The following MYO16 variants were observed in gnomAD, a reference collection of about 807,000 sequenced individuals.
MYO16 encodes the protein unconventional myosin-XVI.
MYO16 carries 94 observed loss-of-function variants against 205.3 expected under a neutral mutation model. The ratio of observed to expected loss-of-function variants is 0.46; its 90% CI spans 0.39 to 0.54. The LOEUF (loss-of-function observed/expected upper bound fraction) is 0.54, where lower values mean the gene tolerates loss of function less well. MYO16 is among the 20% of genes least tolerant of loss of function. The probability of loss-of-function intolerance (pLI) is 0.00; values close to 1 mark genes in which losing one functional copy is unlikely to be tolerated. For synonymous variants in MYO16, 988 were observed against 954.0 expected (o/e 1.04, Z -0.66); for missense variants, 2,315 against 2,387.5 (o/e 0.97, Z 0.63).
chr13:108,968,470 C>CA (rs879418451), intron 20 of MYO16, among the ~76,000 whole-genome samples: 21 of 151,878 alleles, frequency 1.4e-4, no homozygotes, highest in Admixed American at 1.2e-3. Flanking sequence ...TACAAAAATA[C>CA]AAAAAATTAG....
rs1293949326 is a variant in MYO16 at position 109,165,021 on chromosome 13, G to C, written c.5285G>C (p.Ser1762Thr). The C allele has an allele frequency of 2.3e-5, 36 of 1,596,512 alleles. No homozygotes were observed. The highest frequency in any genetic ancestry group is 3.0e-5 in the Non-Finnish European group (35 of 1,173,810). Residue 1762 changes from serine (S) to threonine (T), a missense_variant, in exon 33 of 35, where the codon AGT becomes ACT. Coordinates refer to ENST00000457511, the MANE Select transcript of MYO16 (RefSeq NM_001198950.3). ...ATTCAGTTATCTAATTCACTATCTA[G>C]TGCTATAACTGCTGAAAATGGAAAT... ...HGIQLSNSLS[S>T]AITAENGNSI... is the part of the protein sequence containing the mutation.
chr13:109,113,151 T>C (rs1394339176), intron 28 of MYO16, among the ~76,000 whole-genome samples: 4 of 152,234 alleles, frequency 2.6e-5, no homozygotes, highest in African/African-American at 9.6e-5. Context: ...GTAAGTAAGC[T>C]TGAATGTATT....
At chr13:109,015,345 GC>G (rs1885768310) in intron 22 of MYO16, among the ~76,000 whole-genome samples, 1 of 152,160 alleles carries the variant, frequency 6.6e-6, no homozygotes, top group Admixed American at 6.5e-5. Context: ...TCTTTGATGT[GC>G]TGCTGGATTA....
intron 16 of MYO16, among the ~76,000 whole-genome samples, chr13:108,910,938 T>C (rs1377353769): frequency 7.9e-5 from 12 of 152,046 alleles, no homozygotes; most frequent in African/African-American, 2.9e-4. Flanking sequence ...ACCTGATTTA[T>C]GGCTTATTGG....
chr13:109,034,604 T>C (rs528433392), intron 23 of MYO16, among the ~76,000 whole-genome samples: 7 of 152,220 alleles, frequency 4.6e-5, no homozygotes, highest in Non-Finnish European at 8.8e-5. Flanking sequence ...TACAGCTGTG[T>C]GAAAACAGAC....
At chr13:108,972,390 A>AT (rs1884084329) in intron 20 of MYO16, among the ~76,000 whole-genome samples, 1 of 75,744 alleles carries the variant, frequency 1.3e-5, no homozygotes, top group African/African-American at 6.1e-5. Context: ...ATATATATAT[A>AT]TATATATAGT....
chr13:108,552,497 A>G, the MYO16 span, among the ~76,000 whole-genome samples: 4 of 152,134 alleles, frequency 2.6e-5, no homozygotes, highest in African/African-American at 4.8e-5. Context: ...CACATCATCC[A>G]TACTGAACAT....
chr13:108,726,590 A>C (rs1884348658), intron 3 of MYO16, among the ~76,000 whole-genome samples: 1 of 151,508 alleles, frequency 6.6e-6, no homozygotes, highest in South Asian at 2.1e-4. Context: ...AAAAAGAAAA[A>C]TACTCATAAA....
intron 23 of MYO16, among the ~76,000 whole-genome samples, chr13:109,037,125 CT>C (rs1886744203): frequency 6.6e-6 from 1 of 152,198 alleles, no homozygotes; most frequent in African/African-American, 2.4e-5. Context: ...CTCCTTAGTG[CT>C]TTTTCTTTCC....
intron 4 of MYO16, among the ~76,000 whole-genome samples, chr13:108,732,532 T>C (rs572695483): frequency 1.3e-5 from 2 of 152,140 alleles, no homozygotes; most frequent in East Asian, 1.9e-4. Context: ...AGGGTCTGTG[T>C]ATTGGAGGGA....
the MYO16 span, among the ~76,000 whole-genome samples, chr13:108,549,946 C>T: frequency 2.6e-5 from 4 of 152,250 alleles, no homozygotes; most frequent in Non-Finnish European, 4.4e-5. Flanking sequence ...TTTCTGGCCC[C>T]TGCATGGGCA....
At chr13:109,002,013 T>C (rs1461832592) in intron 21 of MYO16, among the ~76,000 whole-genome samples, 1 of 152,236 alleles carries the variant, frequency 6.6e-6, no homozygotes, top group Non-Finnish European at 1.5e-5. Context: ...AATTAGTTGA[T>C]GCATAGTGCA....
intron 2 of MYO16, among the ~76,000 whole-genome samples, chr13:108,703,310 T>A (rs886249102): frequency 2.0e-5 from 3 of 152,058 alleles, no homozygotes; most frequent in Non-Finnish European, 2.9e-5. Flanking sequence ...AATGTAAAAA[T>A]TGTTATTAAA....
chr13:109,035,549 T>C (rs1594490004), intron 23 of MYO16, among the ~76,000 whole-genome samples: 1 of 152,218 alleles, frequency 6.6e-6, no homozygotes, highest in East Asian at 1.9e-4. Flanking sequence ...CCGGGCGTGG[T>C]GGTGTATGCC....
intron 2 of MYO16, among the ~76,000 whole-genome samples, chr13:108,692,928 T>C (rs1882954983): frequency 6.6e-6 from 1 of 152,078 alleles, no homozygotes; most frequent in Non-Finnish European, 1.5e-5. Context: ...TCAGAAACCA[T>C]AACAATGAAC....
chr13:109,159,979 C>G (rs954359072), intron 32 of MYO16, among the ~76,000 whole-genome samples: 2 of 152,308 alleles, frequency 1.3e-5, no homozygotes, highest in African/African-American at 4.8e-5. Flanking sequence ...ATGACATGAT[C>G]CGACTTATGT....
rs533898792 is a variant in MYO16 at position 108,629,841 on chromosome 13, A to G, written c.-4A>G. 1.3e-6 allele frequency: 2 copies of G among 1,530,194 alleles called. No homozygotes were observed. The highest frequency in any genetic ancestry group is 2.5e-5 in the East Asian group (1 of 40,740). The allele number at this position is 1,530,194 out of a possible 1,614,324, so 94.8% of individuals were successfully genotyped here. ...GTAGCAAGATTCCTGTCTGAGATGG[A>G]AAGATGTCTCACTATCATTTTATCA... On this transcript the variant is annotated 5_prime_UTR_variant, in exon 1 of 35. Coordinates refer to ENST00000457511, the MANE Select transcript of MYO16 (RefSeq NM_001198950.3).
chr13:108,759,597 G>A (rs1026919960), intron 4 of MYO16, among the ~76,000 whole-genome samples: 24 of 152,208 alleles, frequency 1.6e-4, no homozygotes, highest in Non-Finnish European at 2.2e-4. Flanking sequence ...CGAGGTGGGC[G>A]GATCACGAGG....
At chr13:108,752,582 T>G (rs1014726604) in intron 4 of MYO16, among the ~76,000 whole-genome samples, 1 of 152,086 alleles carries the variant, frequency 6.6e-6, no homozygotes, top group African/African-American at 2.4e-5. Flanking sequence ...ATTAAACTTT[T>G]ATGAGACTGG....
Sources: gnomAD v4.1 joint callset for allele counts (sites outside exome capture counted in the v4.1 genomes callset) on GRCh38, gnomAD v4.1.1 for gene constraint, MANE v1.5 for transcripts, NCBI Gene and HGNC (gene_info 2026-07-23, HGNC 2026-07-21) for gene names.